The following AUH variants were observed in gnomAD, a reference collection of about 807,000 sequenced individuals.
AUH encodes the protein AU RNA binding methylglutaconyl-CoA hydratase.
A neutral mutation model predicts 42.3 loss-of-function variants in AUH; 29 were observed. That is an observed-to-expected ratio of 0.69 (90% CI 0.51 to 0.93). The LOEUF (loss-of-function observed/expected upper bound fraction) is 0.93, where lower values mean the gene tolerates loss of function less well. AUH is among the 40% of genes least tolerant of loss of function. The pLI is 0.00. For missense variants in AUH, 452 were observed against 438.1 expected (o/e 1.03, Z -0.28); for synonymous variants, 174 against 166.4 (o/e 1.05, Z -0.35).
intron 4 of AUH, among the ~76,000 whole-genome samples, chr9:91,322,447 G>A (rs917918182): frequency 6.6e-6 from 1 of 152,200 alleles, no homozygotes; most frequent in East Asian, 1.9e-4. Flanking sequence ...GAGAGAAGCA[G>A]GGCCTAAAAC....
chr9:91,325,187 A>G, intron 4 of AUH, 131 bp downstream of exon 4: 1 of 657,592 alleles, frequency 1.5e-6, no homozygotes, highest in Non-Finnish European at 2.6e-6. Context: ...GTGTCACGTT[A>G]AACAGCTATA....
At position 91,224,229 on chromosome 9, in the gene AUH, G is replaced by A. The variant is rs1233504849; in HGVS notation, c.656-3237C>T. Among the ~76,000 whole-genome samples, 3 of 152,302 alleles carry A rather than the reference G, an allele frequency of 2.0e-5. No individual in the cohort carries two copies. The East Asian group carries it at 5.8e-4, about 29-fold the overall frequency. On this transcript the variant is annotated intron_variant, in intron 6 of 9. Coordinates refer to ENST00000375731, the MANE Select transcript of AUH (RefSeq NM_001698.3). ...TCATGCTGAGCGCCTAAGTTTTCATGTGCTTATTGGCCATCCATATATTGT... is the reference window on the plus strand; with the variant it reads ...TCATGCTGAGCGCCTAAGTTTTCATATGCTTATTGGCCATCCATATATTGT...
At chr9:91,244,280 T>G (rs1249684426) in intron 6 of AUH, among the ~76,000 whole-genome samples, 1 of 152,222 alleles carries the variant, frequency 6.6e-6, no homozygotes, top group African/African-American at 2.4e-5. Flanking sequence ...TGTAAAAGGT[T>G]CACTGTATAG....
intron 3 of AUH, among the ~76,000 whole-genome samples, chr9:91,331,507 T>C (rs1044356679): frequency 1.3e-5 from 2 of 152,246 alleles, no homozygotes; most frequent in African/African-American, 2.4e-5. Context: ...CATATTTGTA[T>C]GTAACTTGCC....
intron 6 of AUH, among the ~76,000 whole-genome samples, chr9:91,260,413 C>T (rs1829649612): frequency 6.6e-6 from 1 of 152,032 alleles, no homozygotes; most frequent in Non-Finnish European, 1.5e-5. Flanking sequence ...CTTTCTTTTC[C>T]TGTCTTCTTT....
chr9:91,349,507 C>T (rs1032350720), intron 3 of AUH, among the ~76,000 whole-genome samples: 10 of 152,164 alleles, frequency 6.6e-5, no homozygotes, highest in African/African-American at 2.4e-4. Flanking sequence ...AAACAGATGA[C>T]GGTGATTTCA....
chr9:91,249,194 G>A (rs1428635712), intron 6 of AUH, among the ~76,000 whole-genome samples: 1 of 150,204 alleles, frequency 6.7e-6, no homozygotes, highest in Non-Finnish European at 1.5e-5. Context: ...CTACTTGGGG[G>A]GCTAAGGTGG....
At chr9:91,259,553 C>CT in intron 6 of AUH, among the ~76,000 whole-genome samples, 1 of 151,880 alleles carries the variant, frequency 6.6e-6, no homozygotes, top group Non-Finnish European at 1.5e-5. Flanking sequence ...GATTCTAGAC[C>CT]TTTTTTCCTA....
At chr9:91,350,980 T>C (rs1276899161) in intron 3 of AUH, among the ~76,000 whole-genome samples, 1 of 152,152 alleles carries the variant, frequency 6.6e-6, no homozygotes, top group Admixed American at 6.5e-5. Context: ...ATCTTTTTTT[T>C]TTCATTTTTT....
intron 1 of AUH, 100 bp downstream of exon 1, chr9:91,361,528 C>G: frequency 6.7e-7 from 1 of 1,488,922 alleles, no homozygotes; most frequent in Admixed American, 2.2e-5. Context: ...GCCTGCCTGA[C>G]CTCGACCCCG....
intron 3 of AUH, among the ~76,000 whole-genome samples, chr9:91,338,658 T>C (rs1830873693): frequency 1.3e-5 from 2 of 152,228 alleles, no homozygotes; most frequent in Admixed American, 1.3e-4. Context: ...CTCGAACTCC[T>C]GACCTCAGGT....
Position 91,298,019 on chromosome 9 carries a change from A to G in AUH, c.563T>C (p.Leu188Pro). The G allele has an allele frequency of 6.2e-7, 1 of 1,613,950 alleles. No individual in the cohort carries two copies. The highest frequency in any genetic ancestry group is 8.5e-7 in the Non-Finnish European group (1 of 1,179,822). ...TATATCACAGGCTAAAGCCAGTTCAAGACCACCACCTAAAGCGAGTCCATC... is the reference window on the plus strand; with the variant it reads ...TATATCACAGGCTAAAGCCAGTTCAGGACCACCACCTAAAGCGAGTCCATC... ...AIDGLALGGG[L>P]ELALACDIRV... The change falls in exon 5 of 10, where the codon CTT becomes CCT. Residue 188 changes from leucine to proline, a missense_variant. Physicochemically the swap from Leu to Pro is moderately conservative, Grantham distance 98 (BLOSUM62 -3). Transcript: ENST00000375731.
chr9:91,290,233 T>C (rs1275457974), intron 6 of AUH, among the ~76,000 whole-genome samples: 1 of 152,022 alleles, frequency 6.6e-6, no homozygotes. Flanking sequence ...TTGGGCAACA[T>C]AGTGAGACCC....
intron 1 of AUH, among the ~76,000 whole-genome samples, chr9:91,358,066 G>A (rs775010594): frequency 2.6e-5 from 4 of 152,226 alleles, no homozygotes; most frequent in Non-Finnish European, 5.9e-5. Flanking sequence ...GTTTGGCTGA[G>A]ATTGGTGGTG....
At chr9:91,283,899 T>C (rs999575788) in intron 6 of AUH, among the ~76,000 whole-genome samples, 26 of 151,970 alleles carry the variant, frequency 1.7e-4, no homozygotes, top group South Asian at 2.1e-4. Flanking sequence ...AGGTAATTTA[T>C]AGATTCAATG....
chr9:91,257,676 C>T (rs1339328936), intron 6 of AUH, among the ~76,000 whole-genome samples: 1 of 152,242 alleles, frequency 6.6e-6, no homozygotes, highest in East Asian at 1.9e-4. Context: ...CACTAGTATC[C>T]TGGTGTCTTG....
At chr9:91,220,541 C>T (rs1386180476) in intron 7 of AUH, among the ~76,000 whole-genome samples, 3 of 152,170 alleles carry the variant, frequency 2.0e-5, no homozygotes, top group Non-Finnish European at 4.4e-5. Context: ...GGAAGTTGTG[C>T]ACATGTGACA....
Position 91,246,839 on chromosome 9 carries a change from C to T in AUH, c.656-25847G>A, listed in dbSNP as rs1828821957. Among the ~76,000 whole-genome samples the T allele has an allele frequency of 2.0e-5, 3 of 152,360 alleles. No homozygotes were observed. The South Asian group carries it at 6.2e-4, about 32-fold the overall frequency. Reference sequence around the variant, plus strand: ...CAAGAGTTAGGAATAGAAGACAAGTCTATGGCTGAAAAGCCACATGATGAG... The same window carrying T: ...CAAGAGTTAGGAATAGAAGACAAGTTTATGGCTGAAAAGCCACATGATGAG... On this transcript the variant is annotated intron_variant, in intron 6 of 9. Coordinates refer to ENST00000375731, the MANE Select transcript of AUH (RefSeq NM_001698.3).
At chr9:91,314,689 G>A (rs1204497034) in intron 4 of AUH, among the ~76,000 whole-genome samples, 1 of 151,850 alleles carries the variant, frequency 6.6e-6, no homozygotes, top group Non-Finnish European at 1.5e-5. Flanking sequence ...GATGTGATGG[G>A]AGGTCAGACC....
Sources: gnomAD v4.1 joint callset for allele counts (sites outside exome capture counted in the v4.1 genomes callset) on GRCh38, gnomAD v4.1.1 for gene constraint, MANE v1.5 for transcripts, NCBI Gene and HGNC (gene_info 2026-07-23, HGNC 2026-07-21) for gene names.